The following TBCK variants were observed in gnomAD, a reference collection of about 807,000 sequenced individuals.
TBCK encodes TBC1 domain containing kinase.
TBCK carries 99 observed loss-of-function variants against 113.4 expected under a neutral mutation model. The ratio of observed to expected loss-of-function variants is 0.87; its 90% CI spans 0.74 to 1.03. The LOEUF (loss-of-function observed/expected upper bound fraction) is 1.03, where lower values mean the gene tolerates loss of function less well. Ranked by LOEUF, TBCK falls within the 50% of genes least tolerant of loss-of-function variation. TBCK has a pLI of 0.00. For missense variants in TBCK, 1,045 were observed against 1,061.3 expected (o/e 0.98, Z 0.21); for synonymous variants, 369 against 370.8 (o/e 1.00, Z 0.05).
chr4:106,056,539 A>G (rs1014781189), intron 25 of TBCK, among the ~76,000 whole-genome samples: 2 of 151,148 alleles, frequency 1.3e-5, no homozygotes, highest in Admixed American at 6.6e-5. Context: ...AGCTGTGTCA[A>G]TTTAGGACTT....
At chr4:106,184,799 C>T (rs1752823104) in intron 22 of TBCK, among the ~76,000 whole-genome samples, 1 of 152,024 alleles carries the variant, frequency 6.6e-6, no homozygotes, top group African/African-American at 2.4e-5. Context: ...AAGCATCTAT[C>T]ATTTCTGTTG....
At chr4:106,264,744 T>C (rs1762824742) in intron 3 of TBCK, among the ~76,000 whole-genome samples, 1 of 151,998 alleles carries the variant, frequency 6.6e-6, no homozygotes, top group South Asian at 2.1e-4. Flanking sequence ...TATCATCAGC[T>C]ACTATAATTT....
rs1734155885 is a variant in TBCK, at chr4:106,045,662, CTTTCT to C, written c.*903_*907del. On this transcript the variant is annotated 3_prime_UTR_variant, in exon 26 of 26. Transcript: ENST00000394708. ...GAAGGAGTGTGCTTCGCTTCTTTTC[CTTTCT>C]TTTCTTCTTTCCTCCCTCCTTCTTT... is the stretch of plus-strand genomic sequence containing the variant. The C allele has an allele frequency of 6.6e-6, 1 of 151,964 alleles. No individual in the cohort carries two copies. The highest frequency in any genetic ancestry group is 6.6e-5 in the Admixed American group (1 of 15,238). The allele number at this position is 151,964 out of a possible 1,614,324, so 9.4% of individuals were successfully genotyped here. A position where few individuals can be genotyped will look rare whatever the true frequency, so the allele number is the denominator to read the frequency against.
rs1759336932 is a variant in TBCK, at chr4:106,235,366, G to A, written c.1352C>T (p.Ala451Val). 1 of 1,590,696 alleles carries A rather than the reference G, an allele frequency of 6.3e-7. No individual in the cohort carries two copies. The highest frequency in any genetic ancestry group is 8.6e-7 in the Non-Finnish European group (1 of 1,166,990). Residue 451 changes from alanine (A) to valine (V), a missense_variant and splice_region_variant, in exon 15 of 26, where the codon GCT (alanine) becomes GTT (valine). Ala to Val is a moderately conservative substitution (Grantham distance 64). Transcript: ENST00000394708. ...RIILFDRLLK[A>V]YPYKKNQIWK... ...GATTTGGTTTTTTTTATATGGATAA[G>A]CCTATGATATCAAAAAAGAAATGAA...
chr4:106,278,726 G>T, intron 3 of TBCK, among the ~76,000 whole-genome samples: 1 of 151,834 alleles, frequency 6.6e-6, no homozygotes, highest in East Asian at 1.9e-4. Flanking sequence ...AATATAAAAT[G>T]TATAACAAAA....
intron 22 of TBCK, among the ~76,000 whole-genome samples, chr4:106,172,176 A>T (rs1751112733): frequency 6.6e-6 from 1 of 152,182 alleles, no homozygotes; most frequent in South Asian, 2.1e-4. Context: ...AAATGAAGAA[A>T]GGTTTTAAAG....
At chr4:106,259,373 C>A (rs967326993) in intron 5 of TBCK, among the ~76,000 whole-genome samples, 2 of 151,536 alleles carry the variant, frequency 1.3e-5, no homozygotes, top group African/African-American at 4.8e-5. Flanking sequence ...TTTAGGAAGC[C>A]CAAAGAGGAA....
At chr4:106,275,166 A>T (rs1763893275) in intron 3 of TBCK, among the ~76,000 whole-genome samples, 1 of 152,202 alleles carries the variant, frequency 6.6e-6, no homozygotes, top group South Asian at 2.1e-4. Context: ...ATATTCATTA[A>T]AGAAGAAAAA....
Position 106,115,487 on chromosome 4 carries a change from T to A in TBCK, c.2411+716A>T, listed in dbSNP as rs191449907. ...AGTAAATGTTATAAATCTGAACTTA[T>A]GAAGCAAATTAGTTATAACATTCAT... On this transcript the variant is annotated intron_variant, in intron 24 of 25. Coordinates refer to ENST00000394708, the MANE Select transcript of TBCK (RefSeq NM_001163435.3). 5.9e-4 allele frequency among the ~76,000 whole-genome samples: 90 copies of A among 152,300 alleles called. 3 individuals carry two copies. The highest frequency in any genetic ancestry group is 1.7e-3 in the Admixed American group (26 of 15,298).
At chr4:106,282,536 T>C (rs1304618004) in intron 3 of TBCK, among the ~76,000 whole-genome samples, 4 of 152,146 alleles carry the variant, frequency 2.6e-5, no homozygotes, top group Non-Finnish European at 2.9e-5. Context: ...TAGATGATTA[T>C]AGCTGTTAAC....
In TBCK at chr4:106,135,917, A is replaced by C. The variant is rs181920699; in HGVS notation, c.2236-19539T>G. 1.0e-3 allele frequency among the ~76,000 whole-genome samples: 146 copies of C among 141,736 alleles called. 15 individuals are homozygous for C. Among genetic ancestry groups the C allele is most frequent in the African/African-American group, 3.5e-3 (140 of 40,148 alleles). The allele number at this position is 141,736 out of a possible 152,430, so 93.0% of individuals were successfully genotyped here. On this transcript the variant is annotated intron_variant, in intron 23 of 25. Coordinates refer to ENST00000394708, the MANE Select transcript of TBCK (RefSeq NM_001163435.3). ...GAAAGACAGAGAAGTCTGAGGATAT[A>C]GATCAAACTTACAGATATGTACTGC...
At chr4:106,255,879 T>A (rs999385158) in intron 5 of TBCK, among the ~76,000 whole-genome samples, 2 of 152,168 alleles carry the variant, frequency 1.3e-5, no homozygotes, top group Non-Finnish European at 1.5e-5. Context: ...AGACCCACAG[T>A]GGGTAGTTCC....
At chr4:106,197,834 G>A (rs989782896) in intron 20 of TBCK, among the ~76,000 whole-genome samples, 1 of 152,000 alleles carries the variant, frequency 6.6e-6, no homozygotes, top group Non-Finnish European at 1.5e-5. Flanking sequence ...AAGTAAGTCT[G>A]ATAGATATTA....
At chr4:106,090,743 C>T (rs1261569110) in intron 25 of TBCK, among the ~76,000 whole-genome samples, 6 of 152,100 alleles carry the variant, frequency 3.9e-5, no homozygotes, top group Non-Finnish European at 8.8e-5. Flanking sequence ...ATCCCTATGA[C>T]ATGAACACAC....
At chr4:106,048,313 T>G (rs1371727140) in intron 25 of TBCK, among the ~76,000 whole-genome samples, 1 of 152,174 alleles carries the variant, frequency 6.6e-6, no homozygotes, top group Non-Finnish European at 1.5e-5. Context: ...ACCCTACTTA[T>G]CTTCTCTGTG....
upstream of TBCK, chr4:106,316,344 G>C: frequency 1.7e-6 from 1 of 585,296 alleles, no homozygotes; most frequent in Non-Finnish European, 3.1e-6. Flanking sequence ...GAGAGAAAGA[G>C]GTGCGGGGGG....
rs1450451138 is a variant in TBCK, at chr4:106,124,000, C to T, written c.2236-7622G>A. On this transcript the variant is annotated intron_variant, in intron 23 of 25. Coordinates refer to ENST00000394708, the MANE Select transcript of TBCK (RefSeq NM_001163435.3). ...GGCAACAAAAGACAAAATTGACAAACGGGATCTAATTAAACTAAAGAGCTT... is the reference window on the plus strand; with the variant it reads ...GGCAACAAAAGACAAAATTGACAAATGGGATCTAATTAAACTAAAGAGCTT... Among the ~76,000 whole-genome samples, 506 of 148,942 alleles carry T rather than the reference C, an allele frequency of 3.4e-3. 1 individual carries two copies. Among genetic ancestry groups the T allele is most frequent in the Admixed American group, 4.9e-3 (72 of 14,704 alleles).
intron 23 of TBCK, among the ~76,000 whole-genome samples, chr4:106,128,750 A>G (rs1454677241): frequency 6.6e-6 from 1 of 152,188 alleles, no homozygotes; most frequent in Non-Finnish European, 1.5e-5. Context: ...AAAATAAATC[A>G]TATTTTCTAT....
intron 25 of TBCK, among the ~76,000 whole-genome samples, chr4:106,061,836 T>C (rs1277119577): frequency 6.6e-6 from 1 of 151,774 alleles, no homozygotes; most frequent in African/African-American, 2.4e-5. Context: ...AAATGCAAAC[T>C]TGTCCCCAAA....
Sources: allele counts gnomAD v4.1 joint callset (sites outside exome capture counted in the v4.1 genomes callset), GRCh38; gene constraint gnomAD v4.1.1; transcripts MANE v1.5; gene names NCBI Gene and HGNC (gene_info 2026-07-23, HGNC 2026-07-21).